CIB2: variants seen among roughly 807,000 people sequenced by gnomAD.
The protein encoded by CIB2 is calcium and integrin binding family member 2, also known as calcium and integrin-binding family member 2.
A neutral mutation model predicts 23.1 loss-of-function variants in CIB2; 19 were observed. That is an observed-to-expected ratio of 0.82 (90% confidence interval 0.57 to 1.21). The LOEUF is 1.21. Among genes scored for constraint, CIB2 ranks in the 50% most tolerant of loss-of-function variants. The probability of loss-of-function intolerance (pLI) is 0.00; values close to 1 mark genes in which losing one functional copy is unlikely to be tolerated. For missense variants in CIB2, 220 were observed against 241.5 expected, an observed-to-expected ratio of 0.91 and a Z score of 0.59; for synonymous variants, 94 against 91.7, an observed-to-expected ratio of 1.03 and a Z score of -0.14.
At chr15:78,116,097 T>G (rs2074236983) in intron 2 of CIB2, among the ~76,000 whole-genome samples, 1 of 152,122 alleles carries the variant, frequency 6.6e-6, no homozygotes, top group South Asian at 2.1e-4. Flanking sequence ...TACACAGCAT[T>G]TACATTGTAT....
chr15:78,111,987 G>A (rs1336904367), intron 2 of CIB2, among the ~76,000 whole-genome samples: 4 of 152,134 alleles, frequency 2.6e-5, no homozygotes, highest in African/African-American at 9.7e-5. Flanking sequence ...TCTAACTGGG[G>A]GCCATCGGGA....
chr15:78,119,506 T>C (rs760778247), intron 2 of CIB2, among the ~76,000 whole-genome samples: 6 of 152,220 alleles, frequency 3.9e-5, no homozygotes, highest in Non-Finnish European at 8.8e-5. Context: ...ATCATACTGT[T>C]TTCTTTAGCT....
chr15:78,112,298 G>A (rs146474617), intron 2 of CIB2, among the ~76,000 whole-genome samples: 348 of 152,320 alleles, frequency 2.3e-3, no homozygotes, highest in African/African-American at 8.1e-3. Flanking sequence ...TGCATGTGGT[G>A]GCCTATGCCT....
At chr15:78,106,772 G>C (rs575338682) in intron 4 of CIB2, among the ~76,000 whole-genome samples, 2 of 152,016 alleles carry the variant, frequency 1.3e-5, no homozygotes, top group African/African-American at 4.8e-5. Context: ...TAGCGATAAG[G>C]GTCCTCTTCC....
chr15:78,105,686 C>T (rs1438803945), intron 5 of CIB2, 53 bp downstream of exon 5: 2 of 1,611,294 alleles, frequency 1.2e-6, no homozygotes, highest in Non-Finnish European at 8.5e-7. Context: ...GCCCCAACAT[C>T]CCGGCCTGCC....
intron 4 of CIB2, among the ~76,000 whole-genome samples, chr15:78,108,246 A>C (rs996405758): frequency 2.0e-5 from 3 of 151,784 alleles, no homozygotes; most frequent in Admixed American, 2.0e-4. Context: ...AGAAAGCAAA[A>C]TGTCAGCCCC....
chr15:78,112,042 T>C (rs941101834), intron 2 of CIB2, among the ~76,000 whole-genome samples: 2 of 152,168 alleles, frequency 1.3e-5, no homozygotes, highest in East Asian at 3.9e-4. Context: ...TCCTCACTGA[T>C]GGGTCAGGTC....
chr15:78,131,114 G>C lies in CIB2; in HGVS notation c.51+51C>G, dbSNP rs1277142012. ...TCGGCCAGCGACCGAGAAAAGGGAG[G>C]GGCGGCGGGGCGGCGGGGCCTGTGT... On this transcript the variant is annotated intron_variant, in intron 1 of 5. Transcript: ENST00000258930. The surrounding 1 kb of genome is among the most constrained non-coding windows in gnomAD (Gnocchi z 5.8). 4.7e-6 allele frequency: 7 copies of C among 1,489,762 alleles called. No individual in the cohort carries two copies. The highest frequency in any genetic ancestry group is 6.3e-6 in the Non-Finnish European group (7 of 1,103,690). 92.3% of individuals were successfully genotyped at this position (1,489,762 alleles called of 1,614,324 possible). A position where few individuals can be genotyped will look rare whatever the true frequency, so the allele number is the denominator to read the frequency against.
chr15:78,114,679 G>A (rs1596353884), intron 2 of CIB2, among the ~76,000 whole-genome samples: 1 of 151,696 alleles, frequency 6.6e-6, no homozygotes, highest in African/African-American at 2.4e-5. Flanking sequence ...GCTCATGACT[G>A]TAATCTAAAT....
At chr15:78,121,063 G>C (rs1596359342) in intron 2 of CIB2, among the ~76,000 whole-genome samples, 2 of 151,914 alleles carry the variant, frequency 1.3e-5, no homozygotes, top group Non-Finnish European at 2.9e-5. Context: ...AAAAGCGAAG[G>C]GGGGTGAAAC....
chr15:78,111,083 G>T, intron 3 of CIB2, 82 bp downstream of exon 3: 1 of 1,162,232 alleles, frequency 8.6e-7, no homozygotes, highest in South Asian at 1.2e-5. Context: ...GGTGGAGCTG[G>T]GTTCAGCCTA....
chr15:78,116,229 C>T (rs993303217), intron 2 of CIB2, among the ~76,000 whole-genome samples: 1 of 151,810 alleles, frequency 6.6e-6, no homozygotes, highest in Non-Finnish European at 1.5e-5. Flanking sequence ...GAGGCCGAGG[C>T]GAGCCAATCA....
rs113657800 is a variant in CIB2, at chr15:78,105,003, C to T, written c.*308G>A. ...ACCTCCTGTTGGGTTATCTGCTTTT[C>T]CCTCTTTGGGGGGGTGGGGAGCATT... On this transcript the variant is annotated 3_prime_UTR_variant, in exon 6 of 6. Coordinates refer to ENST00000258930, the MANE Select transcript of CIB2 (RefSeq NM_006383.4). The T allele has an allele frequency of 1.3e-4, 33 of 261,508 alleles. No homozygotes were observed. In the African/African-American group the frequency reaches 3.6e-3, roughly 28 times the overall value. 16.2% of individuals were successfully genotyped at this position (261,508 alleles called of 1,614,324 possible). A position where few individuals can be genotyped will look rare whatever the true frequency, so the allele number is the denominator to read the frequency against.
chr15:78,131,412 G>C lies in CIB2; in HGVS notation c.-197C>G, dbSNP rs962784479. On this transcript the variant is annotated 5_prime_UTR_variant, in exon 1 of 6. Coordinates refer to ENST00000258930, the MANE Select transcript of CIB2 (RefSeq NM_006383.4). This position sits in a 1 kb window ranked among gnomAD's most constrained non-coding sequence, Gnocchi z 5.8. ...GTCTCGGAGGCGGGGACGGGAACCC[G>C]GAGCGGCAGCGACTCCGCCGCCGGC... The C allele has an allele frequency of 1.4e-5, 3 of 221,092 alleles. No homozygotes were observed. Among genetic ancestry groups the C allele is most frequent in the African/African-American group, 7.0e-5 (3 of 42,700 alleles). 13.7% of individuals were successfully genotyped at this position (221,092 alleles called of 1,614,324 possible).
intron 2 of CIB2, among the ~76,000 whole-genome samples, chr15:78,118,813 G>A (rs1032962444): frequency 6.6e-6 from 1 of 152,000 alleles, no homozygotes; most frequent in Non-Finnish European, 1.5e-5. Context: ...CTGAAACTCT[G>A]TACTAATCAA....
intron 2 of CIB2, 35 bp downstream of exon 2, chr15:78,123,670 C>T: frequency 6.2e-7 from 1 of 1,613,260 alleles, no homozygotes; most frequent in South Asian, 1.1e-5. Flanking sequence ...GCCCCAGTCC[C>T]AGTCCCAACA....
Position 78,128,631 on chromosome 15 carries a change from C to T in CIB2, c.51+2534G>A, listed in dbSNP as rs1245269506. On this transcript the variant is annotated intron_variant, in intron 1 of 5. Transcript: ENST00000258930. ...AGGCGGAGCTGGGATGCGGAGGTTG[C>T]AGTGAGCCGAGATCACACCACTGCA... Among the ~76,000 whole-genome samples, 3 of 150,394 alleles carry T rather than the reference C, an allele frequency of 2.0e-5. No homozygotes were observed. The East Asian group carries it at 5.8e-4, about 29-fold the overall frequency.
intron 4 of CIB2, among the ~76,000 whole-genome samples, chr15:78,107,107 C>CAGGT (rs2074083351): frequency 6.6e-6 from 1 of 151,662 alleles, no homozygotes; most frequent in Non-Finnish European, 1.5e-5. Context: ...TGGTGGTGGA[C>CAGGT]GCCTGTAGTC....
At chr15:78,128,400 G>A (rs984206731) in intron 1 of CIB2, among the ~76,000 whole-genome samples, 6 of 152,172 alleles carry the variant, frequency 3.9e-5, no homozygotes, top group African/African-American at 7.2e-5. Context: ...CTGGAGGCCC[G>A]GCGCGGTGGC....
Sources: gnomAD v4.1 joint callset for allele counts (sites outside exome capture counted in the v4.1 genomes callset) on GRCh38, gnomAD v4.1.1 for gene constraint, Gnocchi (gnomAD v3.1) non-coding constraint, MANE v1.5 for transcripts, NCBI Gene and HGNC (gene_info 2026-07-23, HGNC 2026-07-21) for gene names.